ATXN1: variants seen among roughly 807,000 people sequenced by gnomAD.
The protein encoded by ATXN1 is ataxin-1.
ATXN1 carries 8 observed loss-of-function variants against 56.4 expected under a neutral mutation model. The ratio of observed to expected loss-of-function variants is 0.14; its 90% CI spans 0.08 to 0.26. The LOEUF (loss-of-function observed/expected upper bound fraction) is 0.26, where lower values mean the gene tolerates loss of function less well. Ranked by LOEUF, ATXN1 falls within the 10% of genes least tolerant of loss-of-function variation. The pLI is 1.00. For synonymous variants in ATXN1, 514 were observed against 494.6 expected (o/e 1.04, Z -0.52); for missense variants, 987 against 1,106.5 (o/e 0.89, Z 1.53).
At chr6:16,759,628 A>C (rs1342818581) in intron 1 of ATXN1, among the ~76,000 whole-genome samples, 1 of 134,772 alleles carries the variant, frequency 7.4e-6, no homozygotes, top group Non-Finnish European at 1.5e-5. Flanking sequence ...GTAGGATTAT[A>C]TACCAAGAAA....
At chr6:16,754,634 TCTTA>T (rs1267924827) in intron 1 of ATXN1, 5 of 152,236 alleles carry the variant, frequency 3.3e-5, no homozygotes, top group African/African-American at 1.2e-4. Flanking sequence ...GCCAAAATGT[TCTTA>T]CTTCTAACTA....
chr6:16,713,289 C>T (rs1759565303), intron 2 of ATXN1, among the ~76,000 whole-genome samples: 2 of 152,294 alleles, frequency 1.3e-5, no homozygotes, highest in African/African-American at 4.8e-5. Context: ...TTTCAATTTA[C>T]AAACGCTGGG....
chr6:16,679,548 A>G (rs1758770606), intron 2 of ATXN1, among the ~76,000 whole-genome samples: 1 of 152,238 alleles, frequency 6.6e-6, no homozygotes, highest in Non-Finnish European at 1.5e-5. Flanking sequence ...TATATAGTCA[A>G]AATTAACTTT....
At chr6:16,442,496 C>T (rs767843188) in intron 6 of ATXN1, among the ~76,000 whole-genome samples, 6 of 150,184 alleles carry the variant, frequency 4.0e-5, no homozygotes, top group African/African-American at 9.8e-5. Context: ...TAAAAAAAAA[C>T]ACGCGGGAAG....
intron 4 of ATXN1, among the ~76,000 whole-genome samples, chr6:16,546,833 A>G (rs1010567356): frequency 2.6e-4 from 40 of 152,352 alleles, no homozygotes; most frequent in African/African-American, 9.1e-4. Flanking sequence ...TTATTATGTA[A>G]CTGTACCCTG....
At chr6:16,444,169 C>G (rs1759587255) in intron 6 of ATXN1, among the ~76,000 whole-genome samples, 1 of 151,140 alleles carries the variant, frequency 6.6e-6, no homozygotes, top group South Asian at 2.1e-4. Context: ...TCTAGAGAGA[C>G]ACAGATTTCC....
At chr6:16,474,401 A>G (rs757753688) in intron 6 of ATXN1, among the ~76,000 whole-genome samples, 7 of 152,200 alleles carry the variant, frequency 4.6e-5, no homozygotes, top group African/African-American at 1.2e-4. Flanking sequence ...CCTGAAGCAG[A>G]GACAAGCTGT....
At chr6:16,547,589 A>AATCCG (rs1172867212) in intron 4 of ATXN1, among the ~76,000 whole-genome samples, 1 of 152,116 alleles carries the variant, frequency 6.6e-6, no homozygotes, top group South Asian at 2.1e-4. Flanking sequence ...GGAGGCTAGA[A>AATCCG]ATCCGAGATC....
At chr6:16,496,324 T>C (rs1760780948) in intron 5 of ATXN1, among the ~76,000 whole-genome samples, 1 of 152,228 alleles carries the variant, frequency 6.6e-6, no homozygotes, top group Admixed American at 6.5e-5. Context: ...TATCTAGGGA[T>C]TACCTGTTGA....
At chr6:16,384,380 G>A (rs1225466987) in intron 6 of ATXN1, among the ~76,000 whole-genome samples, 1 of 152,230 alleles carries the variant, frequency 6.6e-6, no homozygotes, top group Admixed American at 6.5e-5. Flanking sequence ...AGATAGCAAG[G>A]AATGCAGGTG....
At chr6:16,731,439 C>CTTTTTTT (rs201673319) in intron 2 of ATXN1, among the ~76,000 whole-genome samples, 2 of 84,996 alleles carry the variant, frequency 2.4e-5, no homozygotes, top group Admixed American at 1.3e-4. Context: ...ACGAGAGAGG[C>CTTTTTTT]TTTTTTTTTC....
At chr6:16,642,682 C>T (rs955021045) in intron 3 of ATXN1, among the ~76,000 whole-genome samples, 5 of 152,204 alleles carry the variant, frequency 3.3e-5, no homozygotes, top group East Asian at 1.9e-4. Flanking sequence ...AAATTGCCAC[C>T]GCCACCCCAG....
chr6:16,453,656 C>T (rs1561901836), intron 6 of ATXN1, among the ~76,000 whole-genome samples: 2 of 152,142 alleles, frequency 1.3e-5, no homozygotes, highest in East Asian at 3.9e-4. Context: ...AGAAAGAACC[C>T]ACTGGATCCC....
chr6:16,731,015 G>A (rs1759963565), intron 2 of ATXN1, among the ~76,000 whole-genome samples: 1 of 152,118 alleles, frequency 6.6e-6, no homozygotes, highest in South Asian at 2.1e-4. Context: ...CATTAACGTT[G>A]CACAATTTCA....
At chr6:16,511,424 C>G (rs1312070374) in intron 5 of ATXN1, among the ~76,000 whole-genome samples, 5 of 152,162 alleles carry the variant, frequency 3.3e-5, no homozygotes, top group African/African-American at 4.8e-5. Context: ...TATCTAAACT[C>G]TTTTTATGTT....
intron 6 of ATXN1, among the ~76,000 whole-genome samples, chr6:16,458,321 A>G (rs1253942132): frequency 1.3e-5 from 2 of 152,202 alleles, no homozygotes; most frequent in Non-Finnish European, 1.5e-5. Context: ...GAATTATTCA[A>G]TGATGTCCAC....
At chr6:16,476,108 G>C (rs1581788278) in intron 6 of ATXN1, among the ~76,000 whole-genome samples, 1 of 152,026 alleles carries the variant, frequency 6.6e-6, no homozygotes, top group African/African-American at 2.4e-5. Flanking sequence ...CCTGACCTCA[G>C]GTGATCCACC....
chr6:16,325,373 C>T (rs1364081524), intron 7 of ATXN1, among the ~76,000 whole-genome samples: 1 of 152,128 alleles, frequency 6.6e-6, no homozygotes, highest in Non-Finnish European at 1.5e-5. Flanking sequence ...CCGCCTCAGC[C>T]TCCCAAAGTG....
intron 6 of ATXN1, among the ~76,000 whole-genome samples, chr6:16,371,945 T>C (rs886948019): frequency 5.9e-5 from 9 of 152,328 alleles, no homozygotes; most frequent in African/African-American, 2.2e-4. Context: ...TACATATTTC[T>C]TTGACTTCTT....
Sources: allele counts gnomAD v4.1 joint callset (sites outside exome capture counted in the v4.1 genomes callset), GRCh38; gene constraint gnomAD v4.1.1; transcripts MANE v1.5; gene names NCBI Gene and HGNC (gene_info 2026-07-23, HGNC 2026-07-21).